Variants in ZBTB20 observed in about 807,000 individuals in gnomAD.
ZBTB20 encodes the protein zinc finger and BTB domain-containing protein 20.
Under a neutral mutation model 56.9 loss-of-function variants are expected in ZBTB20, and 9 were observed. That is an observed-to-expected ratio of 0.16 (90% confidence interval 0.10 to 0.28). ZBTB20 has a LOEUF of 0.28. Among genes scored for constraint, ZBTB20 ranks in the 10% least tolerant of loss-of-function variants. The pLI is 1.00. For missense variants in ZBTB20, 655 were observed against 1,003.0 expected (o/e 0.65, Z 4.69); for synonymous variants, 417 against 420.7 (o/e 0.99, Z 0.11).
At chr3:114,689,422 C>A (rs1471497053) in intron 6 of ZBTB20, among the ~76,000 whole-genome samples, 2 of 152,040 alleles carry the variant, frequency 1.3e-5, no homozygotes, top group Admixed American at 6.6e-5. Flanking sequence ...AATCATCTAA[C>A]CACAATTCTG....
intron 7 of ZBTB20, among the ~76,000 whole-genome samples, chr3:114,443,862 C>T (rs750975271): frequency 5.9e-5 from 9 of 152,168 alleles, no homozygotes; most frequent in Non-Finnish European, 1.3e-4. Context: ...AGACGTGGAA[C>T]GTGAGGCCCA....
At chr3:114,972,227 T>G (rs2077913791) in intron 3 of ZBTB20, among the ~76,000 whole-genome samples, 1 of 152,244 alleles carries the variant, frequency 6.6e-6, no homozygotes, top group African/African-American at 2.4e-5. Context: ...ATCATTAAAG[T>G]GAGTCCATTT....
chr3:114,709,748 C>A (rs1390699380), intron 5 of ZBTB20, among the ~76,000 whole-genome samples: 1 of 152,142 alleles, frequency 6.6e-6, no homozygotes, highest in African/African-American at 2.4e-5. Context: ...AACCAATGGG[C>A]TACTGGGGAA....
At chr3:114,905,151 G>C (rs757241789) in intron 3 of ZBTB20, among the ~76,000 whole-genome samples, 1 of 151,824 alleles carries the variant, frequency 6.6e-6, no homozygotes, top group Admixed American at 6.6e-5. Flanking sequence ...GAAAATAGCT[G>C]TTGGGTTTTT....
intron 5 of ZBTB20, among the ~76,000 whole-genome samples, chr3:114,711,413 G>T (rs567403586): frequency 6.6e-6 from 1 of 152,170 alleles, no homozygotes; most frequent in Non-Finnish European, 1.5e-5. Flanking sequence ...ACTTTAAATA[G>T]GAAATCTTTA....
intron 5 of ZBTB20, among the ~76,000 whole-genome samples, chr3:114,725,635 T>C (rs190370749): frequency 5.3e-5 from 8 of 152,338 alleles, no homozygotes; most frequent in Admixed American, 5.2e-4. Context: ...AATTTAAACA[T>C]TTTCATTCCC....
At chr3:114,931,164 G>T (rs1018052533) in intron 3 of ZBTB20, 6 of 195,944 alleles carry the variant, frequency 3.1e-5, no homozygotes, top group Non-Finnish European at 6.8e-5. Flanking sequence ...CTAACAACTG[G>T]GGTGCAGGAG....
At chr3:115,030,354 C>A (rs1283431313) in intron 2 of ZBTB20, among the ~76,000 whole-genome samples, 14 of 150,914 alleles carry the variant, frequency 9.3e-5, no homozygotes. Context: ...TTTGTTTGCC[C>A]ATAGTACATT....
At chr3:114,629,882 C>A (rs1028001815) in intron 6 of ZBTB20, among the ~76,000 whole-genome samples, 1 of 152,050 alleles carries the variant, frequency 6.6e-6, no homozygotes, top group African/African-American at 2.4e-5. Flanking sequence ...ATGGGCCAGG[C>A]GCAGGGGCTC....
At chr3:114,638,211 G>C (rs1053709086) in intron 6 of ZBTB20, among the ~76,000 whole-genome samples, 4 of 151,606 alleles carry the variant, frequency 2.6e-5, no homozygotes, top group Non-Finnish European at 5.9e-5. Context: ...TTTTTTTTCC[G>C]TTACAAAGAG....
intron 2 of ZBTB20, among the ~76,000 whole-genome samples, chr3:115,003,536 C>A (rs1193530352): frequency 6.6e-6 from 1 of 151,324 alleles, no homozygotes; most frequent in Non-Finnish European, 1.5e-5. Context: ...CATAAAACAA[C>A]TAAGTTTAAG....
At chr3:114,801,641 T>C (rs2071730727) in intron 4 of ZBTB20, among the ~76,000 whole-genome samples, 1 of 151,892 alleles carries the variant, frequency 6.6e-6, no homozygotes, top group African/African-American at 2.4e-5. Flanking sequence ...TTGTAAGAAA[T>C]GCTAGATCTC....
Position 115,002,264 on chromosome 3 carries a change from T to C in ZBTB20, c.-506-27848A>G, listed in dbSNP as rs539195061. ...GACCTAAATGTACAATGCAAAACTG[T>C]AAAACTTTTAGAAGATAAATAGGAG... On this transcript the variant is annotated intron_variant, in intron 2 of 11. Coordinates refer to ENST00000675478, the MANE Select transcript of ZBTB20 (RefSeq NM_001348800.3). 9.9e-5 allele frequency among the ~76,000 whole-genome samples: 15 copies of C among 151,682 alleles called. No individual in the cohort carries two copies. In the East Asian group the frequency reaches 2.7e-3, roughly 28 times the overall value.
intron 4 of ZBTB20, among the ~76,000 whole-genome samples, chr3:114,879,554 C>T (rs1243852788): frequency 6.6e-6 from 1 of 152,052 alleles, no homozygotes; most frequent in Admixed American, 6.5e-5. Context: ...CCTTCAAATC[C>T]CTTGCTCCAT....
At chr3:114,496,395 T>C (rs1213864944) in intron 7 of ZBTB20, among the ~76,000 whole-genome samples, 2 of 152,236 alleles carry the variant, frequency 1.3e-5, no homozygotes, top group African/African-American at 2.4e-5. Context: ...TGCAGCCCAC[T>C]GTGTTTTGAC....
intron 1 of ZBTB20, among the ~76,000 whole-genome samples, chr3:115,106,374 C>T (rs1243059177): frequency 1.3e-5 from 2 of 151,596 alleles, no homozygotes; most frequent in Admixed American, 6.6e-5. Context: ...GCTGGGACTA[C>T]AGGTGCCCGC....
At chr3:115,146,312 G>A (rs1273626938) in intron 1 of ZBTB20, among the ~76,000 whole-genome samples, 1 of 142,790 alleles carries the variant, frequency 7.0e-6, no homozygotes, top group Non-Finnish European at 1.5e-5. Flanking sequence ...TTTATCAATA[G>A]AACTTTTAGA....
chr3:114,389,368 T>C (rs1241124980), intron 7 of ZBTB20, among the ~76,000 whole-genome samples: 1 of 152,132 alleles, frequency 6.6e-6, no homozygotes, highest in East Asian at 1.9e-4. Flanking sequence ...GAGCTGATTT[T>C]GTGGTTCTGA....
intron 5 of ZBTB20, among the ~76,000 whole-genome samples, chr3:114,789,974 A>T (rs1345845702): frequency 2.6e-5 from 4 of 152,090 alleles, no homozygotes; most frequent in Non-Finnish European, 4.4e-5. Context: ...TATCTTATAC[A>T]CCAAAGCACG....
Sources: allele counts gnomAD v4.1 joint callset (sites outside exome capture counted in the v4.1 genomes callset), GRCh38; gene constraint gnomAD v4.1.1; transcripts MANE v1.5; gene names NCBI Gene and HGNC (gene_info 2026-07-23, HGNC 2026-07-21).